The following ABCA12 variants were observed in gnomAD, a reference collection of about 807,000 sequenced individuals.
ABCA12 encodes the protein ATP binding cassette subfamily A member 12, also known as glucosylceramide transporter ABCA12.
A neutral mutation model predicts 293.5 loss-of-function variants in ABCA12; 156 were observed. The observed-to-expected ratio is 0.53, with a 90% confidence interval of 0.47 to 0.61. The LOEUF is 0.61. ABCA12 is among the 20% of genes least tolerant of loss of function. The pLI is 0.00. For missense variants in ABCA12, 2,797 were observed against 3,090.2 expected (o/e 0.91, Z 2.25); for synonymous variants, 1,063 against 1,108.0 (o/e 0.96, Z 0.81).
chr2:215,111,946 A>G (rs1328852922), intron 1 of ABCA12, among the ~76,000 whole-genome samples: 1 of 152,176 alleles, frequency 6.6e-6, no homozygotes, highest in Non-Finnish European at 1.5e-5. Context: ...ATCACCTCTC[A>G]TGACTGCCCC....
chr2:215,019,634 C>T lies in ABCA12; in HGVS notation c.1450G>A (p.Ala484Thr). Residue 484 changes from alanine (A) to threonine (T), a missense_variant, in exon 12 of 53, where the codon GCA becomes ACA. Ala to Thr is a moderately conservative substitution (Grantham distance 58). Coordinates refer to ENST00000272895, the MANE Select transcript of ABCA12 (RefSeq NM_173076.3). ...TTGTCATGGTACAGTAAGCTGGCTGCTATTTCGGTGCCCAGCTCTGCCGCT... is the reference window on the plus strand; with the variant it reads ...TTGTCATGGTACAGTAAGCTGGCTGTTATTTCGGTGCCCAGCTCTGCCGCT... ...LEAAELGTEI[A>T]ASLLYHDNVI... 1 of 1,614,158 alleles carries T rather than the reference C, an allele frequency of 6.2e-7. No homozygotes were observed. The highest frequency in any genetic ancestry group is 8.5e-7 in the Non-Finnish European group (1 of 1,180,046).
At chr2:214,974,172 A>C in intron 35 of ABCA12, 130 bp from the exon 36 acceptor site, 1 of 850,894 alleles carries the variant, frequency 1.2e-6, no homozygotes. Flanking sequence ...CTGATTTTTC[A>C]TAACTTCAGT....
intron 36 of ABCA12, among the ~76,000 whole-genome samples, chr2:214,972,824 A>G (rs749931929): frequency 6.6e-6 from 1 of 152,012 alleles, no homozygotes; most frequent in Non-Finnish European, 1.5e-5. Flanking sequence ...TAGATAAAGG[A>G]TTTTAAAACT....
intron 2 of ABCA12, among the ~76,000 whole-genome samples, chr2:215,101,452 C>T (rs2106117259): frequency 6.6e-6 from 1 of 152,268 alleles, no homozygotes; most frequent in East Asian, 1.9e-4. Flanking sequence ...TGCCATTTGT[C>T]TATTTCAGCA....
rs377649569 is a variant in ABCA12 at position 214,979,057 on chromosome 2, G to A, written c.4741-17C>T. 6.7e-5 allele frequency: 108 copies of A among 1,605,414 alleles called. No homozygotes were observed. The highest frequency in any genetic ancestry group is 3.3e-4 in the Middle Eastern group (2 of 6,060). ...ATTTGGACTCTAAGAGAGAAAAGTA[G>A]GAATTAAAACACTCTCCTCTCTTTA... On this transcript the variant is annotated splice_polypyrimidine_tract_variant and intron_variant, in intron 31 of 52. Transcript: ENST00000272895.
chr2:215,037,135 A>G, intron 7 of ABCA12, 70 bp from the exon 8 acceptor site: 1 of 1,248,660 alleles, frequency 8.0e-7, no homozygotes. Context: ...AAGATTATTC[A>G]AGGAGAAAAT....
chr2:215,105,387 A>T (rs928779028), intron 2 of ABCA12, among the ~76,000 whole-genome samples: 1 of 152,102 alleles, frequency 6.6e-6, no homozygotes, highest in African/African-American at 2.4e-5. Flanking sequence ...CGTGTGGAGG[A>T]CATTCAGACA....
rs60131675 is a variant in ABCA12 at position 215,132,320 on chromosome 2, G to C, written c.69+5820C>G. ...ATTTTCTGCCTTGATTATCTGTCTA[G>C]TAATATAAGTGGGGTGTTGAAGTCC... On this transcript the variant is annotated intron_variant, in intron 1 of 52. Coordinates refer to ENST00000272895, the MANE Select transcript of ABCA12 (RefSeq NM_173076.3). Among the ~76,000 whole-genome samples, 1,458 of 152,018 alleles carry C rather than the reference G, an allele frequency of 9.6e-3. 21 individuals are homozygous for C. Among genetic ancestry groups the C allele is most frequent in the African/African-American group, 0.03 (1,256 of 41,484 alleles).
chr2:214,948,623 A>G lies in ABCA12; in HGVS notation c.7077T>C (p.His2359=), dbSNP rs1390791356. ...EEHLYFYARV[H]GIPEKDIKET... ...CTTTAATATCCTTTTCTGGAATTCC[A>G]TGTACCCTGGCATAGAAATACAAAT... The change falls in exon 47 of 53, where the codon CAT becomes CAC. Residue 2359 remains histidine, a synonymous_variant. Coordinates refer to ENST00000272895, the MANE Select transcript of ABCA12 (RefSeq NM_173076.3). 2.5e-6 allele frequency: 4 copies of G among 1,613,944 alleles called. No homozygotes were observed. The highest frequency in any genetic ancestry group is 1.7e-5 in the Admixed American group (1 of 59,990).
At chr2:214,949,371 T>TACACACAC (rs1211812326) in intron 45 of ABCA12, among the ~76,000 whole-genome samples, 28 of 142,830 alleles carry the variant, frequency 2.0e-4, no homozygotes, top group African/African-American at 8.2e-4. Context: ...TATATATATA[T>TACACACAC]ATATATACAC....
intron 23 of ABCA12, among the ~76,000 whole-genome samples, chr2:214,994,968 T>C (rs1700003578): frequency 6.6e-6 from 1 of 152,158 alleles, no homozygotes; most frequent in Admixed American, 6.5e-5. Flanking sequence ...ATGAAAATAA[T>C]GAGAAAAAAT....
intron 26 of ABCA12, among the ~76,000 whole-genome samples, chr2:214,988,600 C>T (rs906941987): frequency 2.6e-5 from 4 of 152,130 alleles, no homozygotes; most frequent in African/African-American, 9.7e-5. Flanking sequence ...TGCTTGAGAC[C>T]TAGAAGGGGG....
At chr2:214,971,356 T>G (rs1699381480) in intron 36 of ABCA12, among the ~76,000 whole-genome samples, 1 of 152,180 alleles carries the variant, frequency 6.6e-6, no homozygotes, top group South Asian at 2.1e-4. Context: ...GTGTAATTTT[T>G]AAATTATACT....
At chr2:215,054,990 T>C (rs1701391876) in intron 3 of ABCA12, among the ~76,000 whole-genome samples, 1 of 152,140 alleles carries the variant, frequency 6.6e-6, no homozygotes, top group South Asian at 2.1e-4. Flanking sequence ...AAAAAGTTGA[T>C]AGGTCCCAAA....
At chr2:214,993,722 A>T (rs188022094) in intron 23 of ABCA12, among the ~76,000 whole-genome samples, 1 of 152,342 alleles carries the variant, frequency 6.6e-6, no homozygotes, top group East Asian at 1.9e-4. Context: ...AAGGTGGTTT[A>T]TAAAATATCT....
chr2:215,035,730 C>T (rs1700978493), intron 8 of ABCA12: 1 of 150,378 alleles, frequency 6.6e-6, no homozygotes, highest in African/African-American at 2.4e-5. Context: ...AAGACATGGT[C>T]ACGGTTAAAT....
chr2:215,073,325 A>G (rs1462398313), intron 2 of ABCA12, among the ~76,000 whole-genome samples: 1 of 152,034 alleles, frequency 6.6e-6, no homozygotes, highest in Admixed American at 6.5e-5. Context: ...CTAAATATAC[A>G]TTAATTTTTT....
chr2:214,933,883 G>A (rs1352441077), intron 52 of ABCA12, among the ~76,000 whole-genome samples, 195 bp downstream of exon 52: 1 of 152,044 alleles, frequency 6.6e-6, no homozygotes, highest in African/African-American at 2.4e-5. Context: ...AAAAGTTAAT[G>A]TCTTTCACAT....
rs752624734 is a variant in ABCA12, at chr2:215,064,228, A to T, written c.164-9T>A. On this transcript the variant is annotated splice_polypyrimidine_tract_variant and intron_variant, in intron 2 of 52. Coordinates refer to ENST00000272895, the MANE Select transcript of ABCA12 (RefSeq NM_173076.3). ...TCGAGGTGCGAGGTAACCTAAAATT[A>T]AAAAAACAGTCATTACATCAGTATG... 2 of 1,611,774 alleles carry T rather than the reference A, an allele frequency of 1.2e-6. No individual in the cohort carries two copies. The highest frequency in any genetic ancestry group is 1.1e-5 in the South Asian group (1 of 91,054).
Sources: gnomAD v4.1 joint callset for allele counts (sites outside exome capture counted in the v4.1 genomes callset) on GRCh38, gnomAD v4.1.1 for gene constraint, MANE v1.5 for transcripts, NCBI Gene and HGNC (gene_info 2026-07-23, HGNC 2026-07-21) for gene names.